Variants in INTS15 observed in about 807,000 individuals in gnomAD.
The protein encoded by INTS15 is uncharacterized protein C7orf26.
At chr7:6,594,461 G>A in the INTS15 span, 2 of 1,613,984 alleles carry the variant, frequency 1.2e-6, no homozygotes, top group South Asian at 1.1e-5. Flanking sequence ...ACTGTGTGAG[G>A]TTAGCCAAGG....
chr7:6,599,980 C>G, the INTS15 span: 3 of 1,614,190 alleles, frequency 1.9e-6, no homozygotes, highest in Non-Finnish European at 2.5e-6. Flanking sequence ...TTGGATTGAT[C>G]CGCTGGTGCG....
At chr7:6,608,118 C>T in the INTS15 span, 2 of 1,567,488 alleles carry the variant, frequency 1.3e-6, no homozygotes, top group Non-Finnish European at 1.7e-6. Context: ...CCCGGCCACA[C>T]CTTCATCTCC....
the INTS15 span, chr7:6,607,556 G>T: frequency 7.5e-7 from 1 of 1,330,366 alleles, no homozygotes; most frequent in Non-Finnish European, 9.9e-7. The surrounding 1 kb of genome is among the most constrained non-coding windows in gnomAD (Gnocchi z 6.0). Context: ...TTTCGGGGTC[G>T]TTTGCAAGGC....
chr7:6,591,532 G>A, the INTS15 span: 4 of 880,910 alleles, frequency 4.5e-6, no homozygotes, highest in Non-Finnish European at 7.3e-6. Context: ...CCAAAGTGCT[G>A]GGATTACAGG....
chr7:6,602,373 C>T, the INTS15 span: 1 of 515,950 alleles, frequency 1.9e-6, no homozygotes, highest in African/African-American at 1.9e-5. Context: ...TCACCGAAAG[C>T]TCCCTAGTGA....
the INTS15 span, among the ~76,000 whole-genome samples, chr7:6,604,245 T>C: frequency 6.6e-6 from 1 of 152,128 alleles, no homozygotes; most frequent in African/African-American, 2.4e-5. Flanking sequence ...GCAGGCTGAT[T>C]TTTGTATGCA....
chr7:6,596,179 GTAGC>G, the INTS15 span, among the ~76,000 whole-genome samples: 1 of 151,558 alleles, frequency 6.6e-6, no homozygotes, highest in Non-Finnish European at 1.5e-5. Context: ...AGCCTCCTGA[GTAGC>G]TAGCTGGGAC....
At chr7:6,602,110 G>C in the INTS15 span, 4 of 1,613,440 alleles carry the variant, frequency 2.5e-6, no homozygotes, top group African/African-American at 1.3e-5. Context: ...GATGACCTGA[G>C]AACCTTGTGC....
the INTS15 span, chr7:6,602,706 C>T: frequency 2.1e-6 from 1 of 471,176 alleles, no homozygotes; most frequent in Non-Finnish European, 4.4e-6. Flanking sequence ...GTGAATTTCT[C>T]ATCCTACTCC....
chr7:6,602,985 C>T, the INTS15 span, among the ~76,000 whole-genome samples: 3 of 152,342 alleles, frequency 2.0e-5, no homozygotes, highest in South Asian at 2.1e-4. Context: ...TGTGGTGGCT[C>T]ACGCCTGTAA....
the INTS15 span, among the ~76,000 whole-genome samples, chr7:6,604,554 G>A: frequency 2.0e-5 from 3 of 152,190 alleles, no homozygotes; most frequent in Non-Finnish European, 4.4e-5. Flanking sequence ...TTCCAGGGCA[G>A]GTGTTGGTGA....
the INTS15 span, among the ~76,000 whole-genome samples, chr7:6,594,149 C>T: frequency 6.6e-6 from 1 of 151,482 alleles, no homozygotes; most frequent in African/African-American, 2.4e-5. Context: ...GCTGGGATTA[C>T]AGGCATGCCC....
chr7:6,595,803 C>G, the INTS15 span, among the ~76,000 whole-genome samples: 1 of 152,160 alleles, frequency 6.6e-6, no homozygotes, highest in East Asian at 1.9e-4. Flanking sequence ...CCACCCCAGC[C>G]TTCCAGGTTG....
At chr7:6,600,072 C>A in the INTS15 span, 2 of 1,614,176 alleles carry the variant, frequency 1.2e-6, no homozygotes, top group Non-Finnish European at 1.7e-6. Context: ...ACAAAGGACC[C>A]GGGCGTGGGG....
the INTS15 span, among the ~76,000 whole-genome samples, chr7:6,592,867 C>T: frequency 6.6e-6 from 1 of 152,084 alleles, no homozygotes; most frequent in African/African-American, 2.4e-5. Flanking sequence ...GCCTCAGCCT[C>T]CCAAAGTGCC....
At chr7:6,600,693 T>A in the INTS15 span, among the ~76,000 whole-genome samples, 3 of 152,216 alleles carry the variant, frequency 2.0e-5, no homozygotes, top group Non-Finnish European at 2.9e-5. Flanking sequence ...AGTCTCACGC[T>A]GTTGTCCAGA....
chr7:6,608,131 C>T, the INTS15 span: 5 of 1,565,514 alleles, frequency 3.2e-6, no homozygotes, highest in South Asian at 1.2e-5. Context: ...TCATCTCCGG[C>T]GTGACCTTTC....
chr7:6,604,126 A>G, the INTS15 span, among the ~76,000 whole-genome samples: 1 of 152,120 alleles, frequency 6.6e-6, no homozygotes, highest in African/African-American at 2.4e-5. Flanking sequence ...CAGAGGCTGG[A>G]GTGCAGTGGC....
At chr7:6,590,344 T>G in the INTS15 span, 6 of 1,603,534 alleles carry the variant, frequency 3.7e-6, no homozygotes, top group Admixed American at 1.7e-5. Flanking sequence ...CAAGGAGGTG[T>G]TGTACCACCT....
Sources: allele counts gnomAD v4.1 joint callset (sites outside exome capture counted in the v4.1 genomes callset), GRCh38; gene constraint gnomAD v4.1.1; non-coding constraint Gnocchi (gnomAD v3.1); transcripts MANE v1.5; gene names NCBI Gene and HGNC (gene_info 2026-07-23, HGNC 2026-07-21).